COG8: variants seen among roughly 807,000 people sequenced by gnomAD.
COG8 encodes the protein conserved oligomeric Golgi complex subunit 8.
Under a neutral mutation model 46.5 loss-of-function variants are expected in COG8, and 45 were observed. The ratio of observed to expected loss-of-function variants is 0.97; its 90% confidence interval spans 0.76 to 1.24. The LOEUF is 1.24. COG8 is among the 50% of genes most tolerant of loss of function. The probability of loss-of-function intolerance (pLI) is 0.00; values close to 1 mark genes in which losing one functional copy is unlikely to be tolerated. For synonymous variants in COG8, 407 were observed against 347.8 expected (o/e 1.17, Z -1.90); for missense variants, 793 against 820.8 (o/e 0.97, Z 0.41).
rs200963000 is a variant in COG8, at chr16:69,332,890, A to C, written c.1414-8T>G. On this transcript the variant is annotated splice_region_variant and splice_polypyrimidine_tract_variant and intron_variant, in intron 3 of 5. Coordinates refer to ENST00000306875, the MANE Select transcript of COG8 (RefSeq NM_032382.5). ...CAGGATTATTTTAGTTACCTAAGAGACAAGGGCACCGTCAATTACTGGGAC... is the reference window on the plus strand; with the variant it reads ...CAGGATTATTTTAGTTACCTAAGAGCCAAGGGCACCGTCAATTACTGGGAC... 18 of 1,614,002 alleles carry C rather than the reference A, an allele frequency of 1.1e-5. No individual in the cohort carries two copies. Among genetic ancestry groups the C allele is most frequent in the African/African-American group, 2.7e-5 (2 of 75,046 alleles).
chr16:69,328,296 A>C lies in COG8; in HGVS notation c.*910T>G, dbSNP rs1028455772. Reference sequence around the variant, plus strand: ...GCTGTGATATTAATTCTATTTTTACAAAATAAGTGTATAACCAGGAAGTAC... The same window carrying C: ...GCTGTGATATTAATTCTATTTTTACCAAATAAGTGTATAACCAGGAAGTAC... On this transcript the variant is annotated 3_prime_UTR_variant, in exon 6 of 6. Transcript: ENST00000306875. The C allele has an allele frequency of 2.6e-5, 4 of 152,150 alleles. No individual in the cohort carries two copies. The highest frequency in any genetic ancestry group is 9.7e-5 in the African/African-American group (4 of 41,422). The allele number at this position is 152,150 out of a possible 1,614,324, so 9.4% of individuals were successfully genotyped here. A position where few individuals can be genotyped will look rare whatever the true frequency, so the allele number is the denominator to read the frequency against.
intron 5 of COG8, chr16:69,329,971 G>A: frequency 6.6e-7 from 1 of 1,510,170 alleles, no homozygotes. Flanking sequence ...CGCTGCTCCA[G>A]CAGCCCCGGT....
chr16:69,339,089 T>A, intron 1 of COG8, 87 bp downstream of exon 1: 1 of 1,587,820 alleles, frequency 6.3e-7, no homozygotes, highest in Admixed American at 1.7e-5. Flanking sequence ...TGGAACGTGG[T>A]AAACGCTTTA....
At chr16:69,339,066 T>G (rs2012375065) in intron 1 of COG8, 110 bp downstream of exon 1, 1 of 1,479,840 alleles carries the variant, frequency 6.8e-7, no homozygotes, top group South Asian at 1.1e-5. Flanking sequence ...AATAAAGCGC[T>G]CAGCAGAGAA....
Position 69,339,256 on chromosome 16 carries a change from G to A in COG8, c.297C>T (p.Arg99=). The A allele has an allele frequency of 1.2e-6, 2 of 1,612,698 alleles. No homozygotes were observed. Among genetic ancestry groups the A allele is most frequent in the Non-Finnish European group, 1.7e-6 (2 of 1,179,800 alleles). The change falls in exon 1 of 6, where the codon CGC becomes CGT. Residue 99 remains arginine (R), a synonymous_variant. Coordinates refer to ENST00000306875, the MANE Select transcript of COG8 (RefSeq NM_032382.5). ...TFIRGAECTE[R]IHRLFGDVEA... ...CCACGTCGCCAAACAGGCGGTGGAT[G>A]CGCTCGGTGCACTCGGCGCCGCGGA...
At chr16:69,329,652 G>A (rs551267549) in intron 5 of COG8, among the ~76,000 whole-genome samples, 2 of 152,390 alleles carry the variant, frequency 1.3e-5, no homozygotes, top group African/African-American at 2.4e-5. Context: ...CCCCTGGGCT[G>A]GGTCAGGCTG....
chr16:69,327,123 C>T lies in COG8; in HGVS notation c.*2083G>A, dbSNP rs1837251611. On this transcript the variant is annotated 3_prime_UTR_variant, in exon 6 of 6. Coordinates refer to ENST00000306875, the MANE Select transcript of COG8 (RefSeq NM_032382.5). ...TTTCTACAAATCTCCCCATTGGCTGCATCTCTGACCTTGCACCAGTATCTG... is the reference window on the plus strand; with the variant it reads ...TTTCTACAAATCTCCCCATTGGCTGTATCTCTGACCTTGCACCAGTATCTG... 6.7e-6 allele frequency: 1 copy of T among 150,254 alleles called. No homozygotes were observed. Among genetic ancestry groups the T allele is most frequent in the Non-Finnish European group, 1.5e-5 (1 of 67,792 alleles). 9.3% of individuals were successfully genotyped at this position (150,254 alleles called of 1,614,324 possible).
At position 69,327,194 on chromosome 16, in the gene COG8, G is replaced by C. The variant is rs1965620734; in HGVS notation, c.*2012C>G. The C allele has an allele frequency of 8.0e-6, 1 of 125,168 alleles. No homozygotes were observed. The highest frequency in any genetic ancestry group is 1.6e-5 in the Non-Finnish European group (1 of 63,164). The allele number at this position is 125,168 out of a possible 1,614,324, so 7.8% of individuals were successfully genotyped here. On this transcript the variant is annotated 3_prime_UTR_variant, in exon 6 of 6. Coordinates refer to ENST00000306875, the MANE Select transcript of COG8 (RefSeq NM_032382.5). The stretch of plus-strand genomic sequence containing the variant: ...TTTTTTTTTTTTTTTTTGAGACAGA[G>C]CCTTGGTCTGTCGCCCAGGCTGGAG...
In COG8 at chr16:69,335,203, C is replaced by T. The variant is rs773732393; in HGVS notation, c.731G>A (p.Arg244Lys). 6.2e-7 allele frequency: 1 copy of T among 1,614,170 alleles called. No individual in the cohort carries two copies. Among genetic ancestry groups the T allele is most frequent in the Non-Finnish European group, 8.5e-7 (1 of 1,180,030 alleles). ...ATCTCGGGCCTGAAGAAACTTCACC[C>T]TCAACTCAGCCTCAGTGAAGACGTC... ...RMDVFTEAEL[R>K]VKFLQARDAW... The change falls in exon 3 of 6, where the codon AGG becomes AAG. Residue 244 changes from arginine (R) to lysine (K), a missense_variant. Coordinates refer to ENST00000306875, the MANE Select transcript of COG8 (RefSeq NM_032382.5).
Position 69,329,094 on chromosome 16 carries a change from C to G in COG8, c.*112G>C. Reference sequence around the variant, plus strand: ...CCATTTTGTCAATAAACAGGCAGCCCTGCAGGTGGTCCATCTCGTGCTGGA... The same window carrying G: ...CCATTTTGTCAATAAACAGGCAGCCGTGCAGGTGGTCCATCTCGTGCTGGA... On this transcript the variant is annotated 3_prime_UTR_variant, in exon 6 of 6. Coordinates refer to ENST00000306875, the MANE Select transcript of COG8 (RefSeq NM_032382.5). 6.2e-7 allele frequency: 1 copy of G among 1,612,044 alleles called. No homozygotes were observed. The highest frequency in any genetic ancestry group is 8.5e-7 in the Non-Finnish European group (1 of 1,179,562).
Position 69,331,135 on chromosome 16 carries a change from C to G in COG8, c.1583-40G>C, listed in dbSNP as rs2011797990. On this transcript the variant is annotated intron_variant, in intron 4 of 5. Transcript: ENST00000306875. ...GGGAAAGCAAAATGGAAAACAGTTA[C>G]TAATAAAACTCAATATAGAAATTTA... The G allele has an allele frequency of 1.9e-6, 3 of 1,610,116 alleles. No homozygotes were observed. In the East Asian group the frequency reaches 6.7e-5, roughly 36 times the overall value.
rs552924056 is a variant in COG8, at chr16:69,336,581, T to G, written c.509A>C (p.Tyr170Ser). The G allele has an allele frequency of 1.2e-6, 2 of 1,614,194 alleles. No individual in the cohort carries two copies. Among genetic ancestry groups the G allele is most frequent in the Admixed American group, 3.3e-5 (2 of 60,036 alleles). Residue 170 changes from tyrosine to serine, a missense_variant, in exon 2 of 6, where the codon TAT becomes TCT. Coordinates refer to ENST00000306875, the MANE Select transcript of COG8 (RefSeq NM_032382.5). The part of the protein sequence containing the change: ...QLMDTCVRNS[Y>S]YEEALELAAY... ...TGCAAGCTCCAGGGCCTCTTCATAA[T>G]AACTGTTCCGGACACAGGTGTCCAT...
Position 69,334,748 on chromosome 16 carries a change from A to C in COG8, c.1186T>G (p.Ser396Ala). 1 of 1,614,102 alleles carries C rather than the reference A, an allele frequency of 6.2e-7. No individual in the cohort carries two copies. The highest frequency in any genetic ancestry group is 8.5e-7 in the Non-Finnish European group (1 of 1,180,042). Residue 396 changes from serine (S) to alanine (A), a missense_variant, in exon 3 of 6, where the codon TCC (serine) becomes GCC (alanine). Ser to Ala is a moderately conservative substitution (Grantham distance 99). Coordinates refer to ENST00000306875, the MANE Select transcript of COG8 (RefSeq NM_032382.5). ...GCTGGAGCCGAGATGAGCATGTAGG[A>C]GTTCATTTCTTCCTGGAATTTCTCC... Reference protein sequence around the residue: ...TVEKFQEEMNSYMLISAPAIL... With the variant: ...TVEKFQEEMNAYMLISAPAIL...
Position 69,330,539 on chromosome 16 carries a change from C to G in COG8, c.*26+274G>C. On this transcript the variant is annotated intron_variant, in intron 5 of 5. Transcript: ENST00000306875. ...CCACGGCACGGCCGCCCACAGTGGC[C>G]AAAGACTCAGCGCGCCCCACAGCCG... 1 of 1,478,854 alleles carries G rather than the reference C, an allele frequency of 6.8e-7. No individual in the cohort carries two copies. The highest frequency in any genetic ancestry group is 8.9e-7 in the Non-Finnish European group (1 of 1,123,698). The allele number at this position is 1,478,854 out of a possible 1,614,324, so 91.6% of individuals were successfully genotyped here.
chr16:69,334,860 C>A lies in COG8; in HGVS notation c.1074G>T (p.Arg358=). The change falls in exon 3 of 6, where the codon CGG becomes CGT. Residue 358 remains arginine, a synonymous_variant. Transcript: ENST00000306875. ...ACTGACCCCGGAAATCAGCTCCCACCCGGCTGAAGGACAGCCCAAAGTACA... is the reference window on the plus strand; with the variant it reads ...ACTGACCCCGGAAATCAGCTCCCACACGGCTGAAGGACAGCCCAAAGTACA... ...QCMYFGLSFS[R]VGADFRGQLA... 6.2e-7 allele frequency: 1 copy of A among 1,614,178 alleles called. No individual in the cohort carries two copies. The highest frequency in any genetic ancestry group is 8.5e-7 in the Non-Finnish European group (1 of 1,180,022).
chr16:69,336,467 G>A (rs746000666), intron 2 of COG8, 38 bp downstream of exon 2: 1 of 1,581,492 alleles, frequency 6.3e-7, no homozygotes, highest in South Asian at 1.1e-5. Flanking sequence ...ATGATTACAA[G>A]AACATTACTT....
chr16:69,331,221 G>A (rs1022908241), intron 4 of COG8, 126 bp from the exon 5 acceptor site: 4 of 952,460 alleles, frequency 4.2e-6, no homozygotes, highest in Admixed American at 4.0e-5. Context: ...GCCGGGGAGG[G>A]GGGGGCGGAT....
chr16:69,339,177 T>G lies in COG8; in HGVS notation c.376A>C (p.Arg126=). The G allele has an allele frequency of 6.2e-7, 1 of 1,612,942 alleles. No homozygotes were observed. The highest frequency in any genetic ancestry group is 8.5e-7 in the Non-Finnish European group (1 of 1,179,900). The change falls in exon 1 of 6, where the codon AGG becomes CGG. Residue 126 remains arginine (R), a splice_region_variant and synonymous_variant. Transcript: ENST00000306875. ...DRLPSFQQSC[R]NFVKEAEEIS... ...CCTTTAGCGCCAGGCGCGTCGCACCTGCAGCTCTGCTGGAAGCTGGGCAAA... is the reference window on the plus strand; with the variant it reads ...CCTTTAGCGCCAGGCGCGTCGCACCGGCAGCTCTGCTGGAAGCTGGGCAAA...
rs11542584 is a variant in COG8, at chr16:69,339,312, C to G, written c.241G>C (p.Asp81His). 2.1e-5 allele frequency: 34 copies of G among 1,610,824 alleles called. No individual in the cohort carries two copies. Among genetic ancestry groups the G allele is most frequent in the Non-Finnish European group, 2.8e-5 (33 of 1,179,326 alleles). The change falls in exon 1 of 6, where the codon GAC (aspartate) becomes CAC (histidine). Residue 81 changes from aspartate to histidine, a missense_variant. By Grantham distance (81) the Asp-to-His change is moderately conservative. Transcript: ENST00000306875. ...GTCTTGTAGTTAGCGAAGGCCAAGT[C>G]GCGCGTCTGCTGCAGCAGCTGCGCC... The part of the protein sequence containing the change: ...ERAQLLQQTR[D>H]LAFANYKTFI...
Sources: gnomAD v4.1 joint callset for allele counts (sites outside exome capture counted in the v4.1 genomes callset) on GRCh38, gnomAD v4.1.1 for gene constraint, MANE v1.5 for transcripts, NCBI Gene and HGNC (gene_info 2026-07-23, HGNC 2026-07-21) for gene names.